Variants in TMEM232 observed in about 807,000 individuals in gnomAD.
TMEM232 encodes transmembrane protein 232.
In TMEM232, 80 loss-of-function variants were observed where a neutral mutation model predicts 78.8. That is an observed-to-expected ratio of 1.01 (90% CI 0.85 to 1.22). TMEM232 has a LOEUF of 1.22. Among genes scored for constraint, TMEM232 ranks in the 50% most tolerant of loss-of-function variants. The pLI is 0.00. For synonymous variants in TMEM232, 297 were observed against 254.3 expected, an observed-to-expected ratio of 1.17 and a Z score of -1.60; for missense variants, 881 against 742.2, an observed-to-expected ratio of 1.19 and a Z score of -2.17.
intron 5 of TMEM232, among the ~76,000 whole-genome samples, chr5:110,629,941 T>C (rs759444547): frequency 6.6e-6 from 1 of 152,242 alleles, no homozygotes; most frequent in Admixed American, 6.5e-5. Flanking sequence ...CATATGTTTC[T>C]GGATCTATTC....
At chr5:110,439,531 C>T (rs527667587) in intron 12 of TMEM232, among the ~76,000 whole-genome samples, 6 of 151,970 alleles carry the variant, frequency 3.9e-5, no homozygotes, top group Admixed American at 1.3e-4. Context: ...TTCTGCCATT[C>T]CTAGTGATCC....
intron 5 of TMEM232, among the ~76,000 whole-genome samples, chr5:110,631,522 C>A (rs921846779): frequency 2.0e-5 from 3 of 152,132 alleles, no homozygotes; most frequent in Non-Finnish European, 4.4e-5. Context: ...CTCTCTCCCC[C>A]TCTCCATACC....
chr5:110,564,025 G>C (rs1776048480), intron 11 of TMEM232, among the ~76,000 whole-genome samples: 1 of 152,012 alleles, frequency 6.6e-6, no homozygotes, highest in Non-Finnish European at 1.5e-5. Flanking sequence ...GAAGTATCTA[G>C]AGTATAGATA....
At chr5:110,627,949 A>G (rs1392765341) in intron 5 of TMEM232, 69 bp from the exon 6 acceptor site, 6 of 1,025,604 alleles carry the variant, frequency 5.9e-6, no homozygotes, top group Admixed American at 3.1e-5. Context: ...CATAAGAAAA[A>G]TCAACCATTA....
chr5:110,722,115 A>T (rs1326282142), intron 1 of TMEM232, among the ~76,000 whole-genome samples: 1 of 152,088 alleles, frequency 6.6e-6, no homozygotes, highest in Non-Finnish European at 1.5e-5. Context: ...GTGGAAATGG[A>T]AGACAGAATG....
chr5:110,389,490 TTC>T (rs1206681323), intron 4 of TMEM232, among the ~76,000 whole-genome samples: 9 of 152,104 alleles, frequency 5.9e-5, no homozygotes, highest in African/African-American at 2.2e-4. Flanking sequence ...TTTGAGAAAA[TTC>T]TCTTTTGAAA....
At chr5:110,424,944 A>G (rs1224760534) in intron 12 of TMEM232, 28 bp from the exon 13 acceptor site, 1 of 1,482,918 alleles carries the variant, frequency 6.7e-7, no homozygotes, top group African/African-American at 1.4e-5. Context: ...AACAAATCCA[A>G]CATTAGGTAT....
upstream of TMEM232, chr5:110,738,189 T>C (rs1799406776): frequency 7.8e-7 from 1 of 1,275,808 alleles, no homozygotes; most frequent in South Asian, 1.3e-5. Context: ...ACCATGGAAG[T>C]CTTCCTCAGA....
intron 12 of TMEM232, among the ~76,000 whole-genome samples, chr5:110,502,412 T>C (rs1430853335): frequency 6.6e-6 from 1 of 152,198 alleles, no homozygotes; most frequent in African/African-American, 2.4e-5. Context: ...GAATTTTCAA[T>C]AATTAGTATA....
At chr5:110,639,801 G>C (rs555488321) in intron 4 of TMEM232, among the ~76,000 whole-genome samples, 1 of 152,174 alleles carries the variant, frequency 6.6e-6, no homozygotes, top group African/African-American at 2.4e-5. Context: ...AAGGAGCACC[G>C]CAGCCTAGAT....
At chr5:110,628,553 T>C (rs1784706214) in intron 5 of TMEM232, among the ~76,000 whole-genome samples, 1 of 152,002 alleles carries the variant, frequency 6.6e-6, no homozygotes, top group South Asian at 2.1e-4. Context: ...AAATATATAA[T>C]CTGCAACATT....
chr5:110,546,208 A>T (rs537203087), intron 11 of TMEM232, among the ~76,000 whole-genome samples: 37 of 152,204 alleles, frequency 2.4e-4, no homozygotes, highest in African/African-American at 7.9e-4. Context: ...TATCATGGAT[A>T]AAAAAACATA....
At chr5:110,591,600 T>A (rs1779541802) in intron 10 of TMEM232, among the ~76,000 whole-genome samples, 1 of 152,168 alleles carries the variant, frequency 6.6e-6, no homozygotes, top group Non-Finnish European at 1.5e-5. Flanking sequence ...AGCGTCTGTA[T>A]GTTTCCATAG....
chr5:110,656,631 A>T (rs745532169), intron 2 of TMEM232, among the ~76,000 whole-genome samples: 3 of 152,150 alleles, frequency 2.0e-5, no homozygotes, highest in Non-Finnish European at 4.4e-5. Context: ...CGAGGTCAGG[A>T]GATCGAGACC....
intron 2 of TMEM232, among the ~76,000 whole-genome samples, chr5:110,401,749 A>C (rs887189222): frequency 6.6e-6 from 1 of 152,114 alleles, no homozygotes; most frequent in Non-Finnish European, 1.5e-5. Context: ...TAATTGAATT[A>C]ACTGCCAATA....
chr5:110,543,639 G>A (rs573029701), intron 11 of TMEM232, among the ~76,000 whole-genome samples: 7 of 152,026 alleles, frequency 4.6e-5, no homozygotes, highest in South Asian at 2.1e-4. Context: ...GGAGGTTAAC[G>A]CAGATCATAA....
chr5:110,625,269 T>C lies in TMEM232; in HGVS notation c.766A>G (p.Met256Val), dbSNP rs1277428386. The part of the protein sequence containing the change: ...KKRYENTDSD[M>V]GGYEINHLLW... ...ACCCACCATACCAGATTACTCACCA[T>C]ATCAGAATCTGTGTTCTCATATCTT... is the stretch of plus-strand genomic sequence containing the variant. The change falls in exon 7 of 14, where the codon ATG (methionine) becomes GTG (valine). Residue 256 changes from methionine to valine, a missense_variant and splice_region_variant. By Grantham distance (21) the Met-to-Val change is conservative. Coordinates refer to ENST00000455884, the MANE Select transcript of TMEM232 (RefSeq NM_001039763.4). The C allele has an allele frequency of 5.2e-6, 8 of 1,532,836 alleles. No individual in the cohort carries two copies. The Admixed American group carries it at 6.2e-5, about 12-fold the overall frequency. 95.0% of individuals were successfully genotyped at this position (1,532,836 alleles called of 1,614,324 possible).
At chr5:110,669,332 T>C (rs1791053849) in intron 1 of TMEM232, among the ~76,000 whole-genome samples, 2 of 152,082 alleles carry the variant, frequency 1.3e-5, no homozygotes, top group South Asian at 4.1e-4. Flanking sequence ...CAAACTACCA[T>C]CAGAGAATAC....
chr5:110,463,708 CT>C (rs1273191332), intron 12 of TMEM232, among the ~76,000 whole-genome samples: 2 of 152,140 alleles, frequency 1.3e-5, no homozygotes, highest in Non-Finnish European at 2.9e-5. Context: ...TTTTGCCCAC[CT>C]TTTTGACATA....
Sources: allele counts gnomAD v4.1 joint callset (sites outside exome capture counted in the v4.1 genomes callset), GRCh38; gene constraint gnomAD v4.1.1; transcripts MANE v1.5; gene names NCBI Gene and HGNC (gene_info 2026-07-23, HGNC 2026-07-21).